The following OTOGL variants were observed in gnomAD, a reference collection of about 807,000 sequenced individuals.
OTOGL encodes the protein otogelin-like protein.
A neutral mutation model predicts 318.5 loss-of-function variants in OTOGL; 285 were observed. The ratio of observed to expected loss-of-function variants is 0.89; its 90% CI spans 0.81 to 0.99. OTOGL has a LOEUF of 0.99. OTOGL is among the 50% of genes least tolerant of loss of function. OTOGL has a pLI of 0.00. For synonymous variants in OTOGL, 987 were observed against 936.5 expected (o/e 1.05, Z -0.99); for missense variants, 2,899 against 2,845.6 (o/e 1.02, Z -0.43).
intron 1 of OTOGL, among the ~76,000 whole-genome samples, chr12:80,197,271 C>T (rs1876141361): frequency 6.6e-6 from 1 of 152,144 alleles, no homozygotes; most frequent in Non-Finnish European, 1.5e-5. Flanking sequence ...AGCTTTGTCT[C>T]AACCACCTTG....
intron 1 of OTOGL, chr12:80,103,047 TG>T: frequency 9.3e-7 from 1 of 1,075,012 alleles, no homozygotes. Context: ...AATGCCTATG[TG>T]GACAGTTGTG....
In OTOGL at chr12:80,345,153, AT is replaced by A. The variant is rs1201452407; in HGVS notation, c.5265+2993del. Among the ~76,000 whole-genome samples the A allele has an allele frequency of 2.2e-5, 3 of 134,874 alleles. No individual in the cohort carries two copies. In the East Asian group the frequency reaches 6.0e-4, roughly 27 times the overall value. 88.5% of individuals were successfully genotyped at this position (134,874 alleles called of 152,430 possible). A position where few individuals can be genotyped will look rare whatever the true frequency, so the allele number is the denominator to read the frequency against. ...TATTATAATATATATTATATGTTAT[AT>A]TATATATTATGATATATAATATATT... On this transcript the variant is annotated intron_variant, in intron 44 of 58. Coordinates refer to ENST00000547103, the MANE Select transcript of OTOGL (RefSeq NM_001378609.3).
chr12:80,317,596 T>C (rs1379235575), intron 32 of OTOGL, among the ~76,000 whole-genome samples: 1 of 152,206 alleles, frequency 6.6e-6, no homozygotes, highest in East Asian at 1.9e-4. Flanking sequence ...TATAATTCAC[T>C]TATTATTTGT....
intron 58 of OTOGL, 127 bp from the exon 59 acceptor site, chr12:80,377,721 C>A: frequency 1.4e-6 from 1 of 729,400 alleles, no homozygotes; most frequent in Non-Finnish European, 2.2e-6. Flanking sequence ...GATCTTGCAA[C>A]ATGCAGAAGC....
chr12:80,179,164 G>T (rs921901762), intron 1 of OTOGL, among the ~76,000 whole-genome samples: 8 of 152,186 alleles, frequency 5.3e-5, no homozygotes, highest in African/African-American at 1.9e-4. Flanking sequence ...TGAACTTCCT[G>T]CTGGGGCCAA....
In OTOGL at chr12:80,240,798, G is replaced by T. The variant is rs543437818; in HGVS notation, c.1052+1359G>T. Among the ~76,000 whole-genome samples, 5 of 152,132 alleles carry T rather than the reference G, an allele frequency of 3.3e-5. No individual in the cohort carries two copies. The South Asian group carries it at 1.0e-3, about 32-fold the overall frequency. On this transcript the variant is annotated intron_variant, in intron 11 of 58. Coordinates refer to ENST00000547103, the MANE Select transcript of OTOGL (RefSeq NM_001378609.3). ...TTGTGAACATCTAGGATAGGTGGTT[G>T]CATAAGCAACAAATTTAGTGAGACT...
intron 1 of OTOGL, among the ~76,000 whole-genome samples, chr12:80,108,000 T>C (rs1869557284): frequency 6.6e-6 from 1 of 152,026 alleles, no homozygotes; most frequent in South Asian, 2.1e-4. Context: ...TTGGGTACTA[T>C]GTTTATTACC....
At position 80,353,312 on chromosome 12, in the gene OTOGL, C is replaced by A; in HGVS notation, c.5408-13C>A. 1.4e-6 allele frequency: 2 copies of A among 1,404,180 alleles called. No individual in the cohort carries two copies. Among genetic ancestry groups the A allele is most frequent in the South Asian group, 1.8e-5 (1 of 54,618 alleles). The allele number at this position is 1,404,180 out of a possible 1,614,324, so 87.0% of individuals were successfully genotyped here. A position where few individuals can be genotyped will look rare whatever the true frequency, so the allele number is the denominator to read the frequency against. ...TTTTATCATTAGCAAATTTTGTCTC[C>A]TATTCTTCAAAGCCCTGAGTTGCCC... On this transcript the variant is annotated splice_polypyrimidine_tract_variant and intron_variant, in intron 45 of 58. Transcript: ENST00000547103.
chr12:80,106,580 A>G (rs1320315905), intron 1 of OTOGL, among the ~76,000 whole-genome samples: 1 of 152,168 alleles, frequency 6.6e-6, no homozygotes, highest in East Asian at 1.9e-4. Context: ...ACAGGAGTTG[A>G]AGACTTTTGC....
chr12:80,238,566 T>G (rs966811227), intron 9 of OTOGL, among the ~76,000 whole-genome samples: 1 of 152,232 alleles, frequency 6.6e-6, no homozygotes, highest in African/African-American at 2.4e-5. Context: ...GCTTCACTGG[T>G]GTGTACGTTG....
At chr12:80,336,633 C>A in intron 40 of OTOGL, 78 bp downstream of exon 40, 1 of 1,494,366 alleles carries the variant, frequency 6.7e-7, no homozygotes, top group Non-Finnish European at 9.1e-7. Context: ...GGGATTCTCA[C>A]AGGAGGAGGG....
chr12:80,153,031 T>A (rs1872886354), intron 1 of OTOGL, among the ~76,000 whole-genome samples: 1 of 152,226 alleles, frequency 6.6e-6, no homozygotes, highest in Admixed American at 6.5e-5. Flanking sequence ...AGTACTTTAT[T>A]TTTTAAATAG....
At chr12:80,105,696 A>G (rs774163814) in intron 1 of OTOGL, among the ~76,000 whole-genome samples, 1 of 152,012 alleles carries the variant, frequency 6.6e-6, no homozygotes, top group African/African-American at 2.4e-5. Context: ...CTGCTTCCCA[A>G]CTCTTGCCTT....
intron 1 of OTOGL, among the ~76,000 whole-genome samples, chr12:80,180,104 G>T (rs1343503857): frequency 2.0e-5 from 3 of 152,114 alleles, no homozygotes; most frequent in Non-Finnish European, 2.9e-5. Flanking sequence ...TGAACCTGCA[G>T]ATTGCTACTT....
At chr12:80,297,066 C>A in intron 27 of OTOGL, 105 bp downstream of exon 27, 1 of 1,098,130 alleles carries the variant, frequency 9.1e-7, no homozygotes, top group Non-Finnish European at 1.2e-6. Context: ...GTCATGAGAT[C>A]TATGTTGTGT....
rs1394079558 is a variant in OTOGL, at chr12:80,222,199, T to G, written c.443T>G (p.Ile148Ser). The G allele has an allele frequency of 1.9e-6, 3 of 1,598,242 alleles. No individual in the cohort carries two copies. In the African/African-American group the frequency reaches 4.0e-5, roughly 21 times the overall value. The change falls in exon 7 of 59, where the codon ATT (isoleucine) becomes AGT (serine). Residue 148 changes from isoleucine (I) to serine (S), a missense_variant. Coordinates refer to ENST00000547103, the MANE Select transcript of OTOGL (RefSeq NM_001378609.3). ...TACTTCCCAGGAAACTGTTCTTACA[T>G]TTTTGCAAAGGACTGTGGTGATTTG... ...YYYFPGNCSY[I>S]FAKDCGDLEP...
intron 37 of OTOGL, 47 bp downstream of exon 37, chr12:80,329,166 G>A (rs749405438): frequency 2.2e-6 from 3 of 1,344,854 alleles, no homozygotes; most frequent in Non-Finnish European, 2.0e-6. Context: ...TGTAGTTTAA[G>A]TGTTGGCTTA....
chr12:80,210,357 A>T (rs1440447054), intron 2 of OTOGL, among the ~76,000 whole-genome samples: 10 of 152,160 alleles, frequency 6.6e-5, no homozygotes, highest in Non-Finnish European at 1.5e-4. Context: ...TGGAGCTTGT[A>T]GGGGAAATTG....
At chr12:80,226,930 A>C (rs1021391748) in intron 7 of OTOGL, among the ~76,000 whole-genome samples, 49 of 152,052 alleles carry the variant, frequency 3.2e-4, no homozygotes, top group Non-Finnish European at 1.0e-4. Context: ...ATTTCAATTC[A>C]CTCTCATTTC....
Sources: allele counts gnomAD v4.1 joint callset (sites outside exome capture counted in the v4.1 genomes callset), GRCh38; gene constraint gnomAD v4.1.1; transcripts MANE v1.5; gene names NCBI Gene and HGNC (gene_info 2026-07-23, HGNC 2026-07-21).